The following VPS13B variants were observed in gnomAD, a reference collection of about 807,000 sequenced individuals.
The protein encoded by VPS13B is vacuolar protein sorting 13 homolog B, also known as intermembrane lipid transfer protein VPS13B.
A neutral mutation model predicts 426.4 loss-of-function variants in VPS13B; 285 were observed. The observed-to-expected ratio is 0.67, with a 90% CI of 0.61 to 0.74. The LOEUF (loss-of-function observed/expected upper bound fraction) is 0.74, where lower values mean the gene tolerates loss of function less well. Ranked by LOEUF, VPS13B falls within the 30% of genes least tolerant of loss-of-function variation. The pLI is 0.00. For synonymous variants in VPS13B, 1,676 were observed against 1,676.4 expected, an observed-to-expected ratio of 1.00 and a Z score of 0.01; for missense variants, 4,537 against 4,782.6, an observed-to-expected ratio of 0.95 and a Z score of 1.51.
chr8:99,338,485 A>C (rs1302963594), intron 19 of VPS13B, among the ~76,000 whole-genome samples: 1 of 152,086 alleles, frequency 6.6e-6, no homozygotes, highest in Non-Finnish European at 1.5e-5. Context: ...AATTTATATA[A>C]TTATACTTAC....
At chr8:99,439,397 G>A (rs957952318) in intron 22 of VPS13B, among the ~76,000 whole-genome samples, 1 of 151,946 alleles carries the variant, frequency 6.6e-6, no homozygotes, top group African/African-American at 2.4e-5. Flanking sequence ...GCTTTTTTAG[G>A]GCTGGCACTA....
chr8:99,618,029 A>G (rs1828176766), intron 33 of VPS13B, among the ~76,000 whole-genome samples: 1 of 151,894 alleles, frequency 6.6e-6, no homozygotes, highest in Admixed American at 6.6e-5. Context: ...TTTCCTTTCT[A>G]TTGTGATAAA....
chr8:99,267,793 A>T (rs1366952177), intron 17 of VPS13B, among the ~76,000 whole-genome samples: 1 of 152,144 alleles, frequency 6.6e-6, no homozygotes, highest in Non-Finnish European at 1.5e-5. Flanking sequence ...GGCCACAAAA[A>T]TTTGCATAAG....
chr8:99,712,345 T>C (rs938496724), intron 36 of VPS13B, among the ~76,000 whole-genome samples: 54 of 152,330 alleles, frequency 3.5e-4, no homozygotes, highest in African/African-American at 1.2e-3. Flanking sequence ...GGAAGGGTCA[T>C]GTTCCCAAAA....
At chr8:99,341,535 G>A (rs915872450) in intron 19 of VPS13B, 2 of 157,268 alleles carry the variant, frequency 1.3e-5, no homozygotes, top group African/African-American at 4.8e-5. Context: ...TTTTTAGACA[G>A]ATTTGATGCC....
intron 8 of VPS13B, among the ~76,000 whole-genome samples, chr8:99,129,569 TAAAAA>T (rs36029878): frequency 1.3e-5 from 1 of 79,160 alleles, no homozygotes; most frequent in Admixed American, 1.5e-4. Context: ...TGTGTCTCCT[TAAAAA>T]AAAAAAAAAA....
At chr8:99,641,724 C>A (rs968407979) in intron 33 of VPS13B, 87 bp from the exon 34 acceptor site, 125 of 1,329,664 alleles carry the variant, frequency 9.4e-5, no homozygotes, top group Non-Finnish European at 1.2e-4. Flanking sequence ...TTAAAATTTT[C>A]TCTTTGACAA....
At chr8:99,170,225 C>G (rs543463979) in intron 16 of VPS13B, 62 bp downstream of exon 16, 19 of 1,574,426 alleles carry the variant, frequency 1.2e-5, no homozygotes, top group Non-Finnish European at 1.5e-5. Context: ...GGGAAAAAAC[C>G]CCCAAATGTA....
intron 23 of VPS13B, among the ~76,000 whole-genome samples, chr8:99,446,436 A>C (rs753318436): frequency 6.6e-6 from 1 of 151,974 alleles, no homozygotes; most frequent in Non-Finnish European, 1.5e-5. Context: ...TTGTGTTTTA[A>C]AGTTTTAATA....
chr8:99,049,244 T>C (rs1843397130), intron 3 of VPS13B, among the ~76,000 whole-genome samples: 1 of 152,052 alleles, frequency 6.6e-6, no homozygotes, highest in Admixed American at 6.5e-5. Context: ...TGTATTTTTG[T>C]TTTATAGGTC....
chr8:99,146,088 A>G (rs2132591070), intron 13 of VPS13B, among the ~76,000 whole-genome samples: 1 of 129,108 alleles, frequency 7.7e-6, no homozygotes, highest in South Asian at 2.3e-4. Flanking sequence ...ACATCTTTTT[A>G]TGTGCTTATT....
rs1253230938 is a variant in VPS13B at position 99,360,118 on chromosome 8, TTATCTTTCTTTCTTTCTTTC to T, written c.2825-24088_2825-24069del. Among the ~76,000 whole-genome samples the T allele has an allele frequency of 1.5e-3, 190 of 123,328 alleles. 3 individuals carry two copies. The highest frequency in any genetic ancestry group is 4.9e-3 in the African/African-American group (151 of 30,718). 80.9% of individuals were successfully genotyped at this position (123,328 alleles called of 152,430 possible). A position where few individuals can be genotyped will look rare whatever the true frequency, so the allele number is the denominator to read the frequency against. The stretch of plus-strand genomic sequence containing the variant: ...TGCCCAACCTGTTTTTTTTTTTTCC[TTATCTTTCTTTCTTTCTTTC>T]TTTCTTTCTTTCTTTCTTTCTTTCT... On this transcript the variant is annotated intron_variant, in intron 19 of 61. Transcript: ENST00000357162.
chr8:99,231,926 A>AT (rs1453189601), intron 17 of VPS13B, among the ~76,000 whole-genome samples: 2 of 152,026 alleles, frequency 1.3e-5, no homozygotes, highest in African/African-American at 4.8e-5. Context: ...TCATTGTGGA[A>AT]TTTTTTCTTT....
At chr8:99,534,714 AC>A (rs1293436941) in intron 30 of VPS13B, among the ~76,000 whole-genome samples, 1 of 152,290 alleles carries the variant, frequency 6.6e-6, no homozygotes, top group East Asian at 1.9e-4. Flanking sequence ...ATAACCACCA[AC>A]ATATAAGACA....
intron 36 of VPS13B, among the ~76,000 whole-genome samples, chr8:99,715,028 G>T (rs1469951870): frequency 6.6e-6 from 1 of 151,856 alleles, no homozygotes; most frequent in Non-Finnish European, 1.5e-5. Context: ...AGGGTGTACA[G>T]GAACATTATA....
chr8:99,710,835 C>CAAAAAAAAAA (rs532543246), intron 36 of VPS13B, among the ~76,000 whole-genome samples: 1 of 86,394 alleles, frequency 1.2e-5, no homozygotes, highest in African/African-American at 4.3e-5. Context: ...ACTAAAAATG[C>CAAAAAAAAAA]AAAAAAAAAA....
Position 99,874,419 on chromosome 8 carries a change from A to ACTAT in VPS13B, c.11746-996_11746-993dup, listed in dbSNP as rs371184561. 2.7e-3 allele frequency among the ~76,000 whole-genome samples: 413 copies of ACTAT among 152,272 alleles called. 1 individual carries two copies. Among genetic ancestry groups the ACTAT allele is most frequent in the African/African-American group, 8.2e-3 (342 of 41,542 alleles). On this transcript the variant is annotated intron_variant, in intron 61 of 61. Coordinates refer to ENST00000357162, the MANE Select transcript of VPS13B (RefSeq NM_152564.5). ...ACTTATTCTTCTAGCAAGCCTCTTT[A>ACTAT]CTATCTCTCTGCCATCGCACGGACT...
chr8:99,087,018 C>T (rs1412415503), intron 3 of VPS13B, among the ~76,000 whole-genome samples: 1 of 152,212 alleles, frequency 6.6e-6, no homozygotes, highest in African/African-American at 2.4e-5. Context: ...GCAGAGGATT[C>T]TGCTACCTTT....
chr8:99,136,679 G>A lies in VPS13B; in HGVS notation c.1578G>A (p.Glu526=). 1.2e-6 allele frequency: 2 copies of A among 1,613,554 alleles called. No individual in the cohort carries two copies. The highest frequency in any genetic ancestry group is 1.7e-6 in the Non-Finnish European group (2 of 1,179,614). The change falls in exon 12 of 62, where the codon GAG becomes GAA. Residue 526 remains glutamate, a synonymous_variant. Transcript: ENST00000357162. ...TTTGTTGGCAGGAGACATACACTGA[G>A]ATAGCTGGAATGCAACGGTTTGGGG... ...DSTHHKETYT[E]IAGMQRFGAF... is the part of the protein sequence containing the mutation.
Sources: allele counts gnomAD v4.1 joint callset (sites outside exome capture counted in the v4.1 genomes callset), GRCh38; gene constraint gnomAD v4.1.1; transcripts MANE v1.5; gene names NCBI Gene and HGNC (gene_info 2026-07-23, HGNC 2026-07-21).